MGAT4C: variants seen among roughly 807,000 people sequenced by gnomAD.
MGAT4C encodes the protein MGAT4 family member C.
Under a neutral mutation model 40.1 loss-of-function variants are expected in MGAT4C, and 19 were observed. The ratio of observed to expected loss-of-function variants is 0.47; its 90% CI spans 0.33 to 0.70. MGAT4C has a LOEUF of 0.70. MGAT4C is among the 30% of genes least tolerant of loss of function. The pLI is 0.02. For synonymous variants in MGAT4C, 181 were observed against 187.1 expected, an observed-to-expected ratio of 0.97 and a Z score of 0.27; for missense variants, 491 against 563.2, an observed-to-expected ratio of 0.87 and a Z score of 1.30.
At chr12:86,263,081 T>C (rs1952693843) in intron 4 of MGAT4C, among the ~76,000 whole-genome samples, 2 of 152,198 alleles carry the variant, frequency 1.3e-5, no homozygotes, top group South Asian at 4.1e-4. Flanking sequence ...TCAAATGTAA[T>C]TTCAAATGTA....
intron 3 of MGAT4C, among the ~76,000 whole-genome samples, chr12:86,388,675 G>GTTTTT (rs752469980): frequency 5.1e-5 from 5 of 98,750 alleles, no homozygotes; most frequent in Non-Finnish European, 8.1e-5. Flanking sequence ...AGCGTTTTTT[G>GTTTTT]TTTTTTTTTT....
At chr12:86,202,874 C>G (rs546398677) in intron 1 of MGAT4C, among the ~76,000 whole-genome samples, 19 of 151,996 alleles carry the variant, frequency 1.3e-4, no homozygotes, top group African/African-American at 4.6e-4. Flanking sequence ...ATTATTCTTT[C>G]ATATGTCCAA....
At chr12:86,148,054 TACA>T (rs1297101443) in intron 1 of MGAT4C, among the ~76,000 whole-genome samples, 1 of 152,174 alleles carries the variant, frequency 6.6e-6, no homozygotes, top group Non-Finnish European at 1.5e-5. Context: ...TAACAAAAAC[TACA>T]ACATCTATAT....
intron 4 of MGAT4C, among the ~76,000 whole-genome samples, chr12:86,287,762 G>A (rs1953391214): frequency 6.6e-6 from 1 of 152,160 alleles, no homozygotes; most frequent in African/African-American, 2.4e-5. Flanking sequence ...ATGGGCATTT[G>A]GGTTGGTTCT....
intron 3 of MGAT4C, among the ~76,000 whole-genome samples, chr12:86,393,975 G>C (rs923561995): frequency 6.6e-6 from 1 of 152,160 alleles, no homozygotes; most frequent in Admixed American, 6.5e-5. Flanking sequence ...AATGAAGTCT[G>C]TGATAGACTC....
chr12:85,976,647 TTA>T lies in MGAT4C; in HGVS notation c.*2640_*2641del, dbSNP rs996366533. On this transcript the variant is annotated 3_prime_UTR_variant, in exon 5 of 5. Transcript: ENST00000611864. ...CAATTGTTATTTTTAACAAAGAAAA[TTA>T]TATATATATGTATATATATATTATA... is the stretch of plus-strand genomic sequence containing the variant. 6 of 146,712 alleles carry T rather than the reference TTA, an allele frequency of 4.1e-5. No homozygotes were observed. Among genetic ancestry groups the T allele is most frequent in the South Asian group, 2.1e-4 (1 of 4,760 alleles). The allele number at this position is 146,712 out of a possible 1,614,324, so 9.1% of individuals were successfully genotyped here. A position where few individuals can be genotyped will look rare whatever the true frequency, so the allele number is the denominator to read the frequency against.
intron 1 of MGAT4C, among the ~76,000 whole-genome samples, chr12:86,789,814 CTT>C (rs910320787): frequency 2.0e-5 from 3 of 152,070 alleles, no homozygotes; most frequent in African/African-American, 7.2e-5. Flanking sequence ...AATAGATTAA[CTT>C]ATAACTTTAC....
chr12:86,574,936 A>G (rs536950531), intron 2 of MGAT4C, among the ~76,000 whole-genome samples: 1 of 151,914 alleles, frequency 6.6e-6, no homozygotes, highest in South Asian at 2.1e-4. Context: ...ATCTACATCT[A>G]TCACTGGCTG....
intron 1 of MGAT4C, among the ~76,000 whole-genome samples, chr12:86,766,261 G>T (rs1368998738): frequency 6.6e-6 from 1 of 151,892 alleles, no homozygotes; most frequent in African/African-American, 2.4e-5. Flanking sequence ...AAGATCAAAA[G>T]AGACAAAGAA....
intron 2 of MGAT4C, among the ~76,000 whole-genome samples, chr12:86,698,373 C>G (rs1863892): frequency 0.98 from 148,540 of 152,000 alleles, 72,643 homozygotes; most frequent in Middle Eastern, 1. Context: ...GTGTGTGTGT[C>G]TATGTGTGTG....
At position 86,790,183 on chromosome 12, in the gene MGAT4C, C is replaced by T. The variant is rs184514841; in HGVS notation, c.-262+48483G>A. Among the ~76,000 whole-genome samples, 173 of 152,158 alleles carry T rather than the reference C, an allele frequency of 1.1e-3. 1 individual carries two copies. Among genetic ancestry groups the T allele is most frequent in the Non-Finnish European group, 1.0e-3 (68 of 67,974 alleles). On this transcript the variant is annotated intron_variant, in intron 1 of 7. Transcript: ENST00000548651. ...AGTGAATGGCTAAGGTAGAATACTACCTATTTGATGGTAGAACTGGAAGTC... is the reference window on the plus strand; with the variant it reads ...AGTGAATGGCTAAGGTAGAATACTATCTATTTGATGGTAGAACTGGAAGTC...
intron 3 of MGAT4C, among the ~76,000 whole-genome samples, chr12:86,376,548 T>C (rs1955825521): frequency 1.3e-5 from 2 of 152,072 alleles, no homozygotes; most frequent in East Asian, 3.9e-4. Flanking sequence ...ATTTGGTGAA[T>C]GACTAAATGG....
intron 3 of MGAT4C, among the ~76,000 whole-genome samples, chr12:86,433,665 G>A (rs181405294): frequency 1.3e-5 from 2 of 152,032 alleles, no homozygotes; most frequent in African/African-American, 4.8e-5. Context: ...TATTTCAAAT[G>A]GGTTGAATTG....
At chr12:86,456,638 T>G (rs915351917) in intron 2 of MGAT4C, among the ~76,000 whole-genome samples, 3 of 152,088 alleles carry the variant, frequency 2.0e-5, no homozygotes, top group Non-Finnish European at 2.9e-5. Context: ...AATCTATTTT[T>G]TAAATTTTGG....
At chr12:86,594,992 G>A (rs1462546944) in intron 2 of MGAT4C, among the ~76,000 whole-genome samples, 3 of 152,072 alleles carry the variant, frequency 2.0e-5, no homozygotes, top group East Asian at 1.9e-4. Context: ...TCAGAGCCCC[G>A]TATTATGGGG....
chr12:86,817,692 T>C (rs2136223522), intron 1 of MGAT4C, among the ~76,000 whole-genome samples: 1 of 151,740 alleles, frequency 6.6e-6, no homozygotes, highest in South Asian at 2.1e-4. Flanking sequence ...TGTCCATTTT[T>C]ATCCTTGACA....
intron 2 of MGAT4C, among the ~76,000 whole-genome samples, chr12:86,629,478 TCCAAAATTGA>T (rs1962949812): frequency 6.6e-6 from 1 of 152,082 alleles, no homozygotes. Context: ...TTGCACTTAT[TCCAAAATTGA>T]CCACATAGTT....
At chr12:86,117,610 C>A (rs1011811569) in intron 1 of MGAT4C, among the ~76,000 whole-genome samples, 2 of 152,092 alleles carry the variant, frequency 1.3e-5, no homozygotes. Flanking sequence ...CCAAATTTCT[C>A]AAGGGCATAA....
chr12:86,244,406 C>T (rs979256050), intron 1 of MGAT4C, among the ~76,000 whole-genome samples: 2 of 152,180 alleles, frequency 1.3e-5, no homozygotes, highest in African/African-American at 4.8e-5. Flanking sequence ...TCTCTCACCT[C>T]AGACCTTCTA....
Sources: allele counts gnomAD v4.1 joint callset (sites outside exome capture counted in the v4.1 genomes callset), GRCh38; gene constraint gnomAD v4.1.1; transcripts MANE v1.5; gene names NCBI Gene and HGNC (gene_info 2026-07-23, HGNC 2026-07-21).